Variants in NAT10 observed in about 807,000 individuals in gnomAD.
The protein encoded by NAT10 is RNA cytidine acetyltransferase.
In NAT10, 109 loss-of-function variants were observed where a neutral mutation model predicts 132.2. The ratio of observed to expected loss-of-function variants is 0.82; its 90% CI spans 0.71 to 0.97. The LOEUF (loss-of-function observed/expected upper bound fraction) is 0.97, where lower values mean the gene tolerates loss of function less well. NAT10 is among the 50% of genes least tolerant of loss of function. The probability of loss-of-function intolerance (pLI) is 0.00; values close to 1 mark genes in which losing one functional copy is unlikely to be tolerated. For missense variants in NAT10, 1,184 were observed against 1,263.4 expected (o/e 0.94, Z 0.95); for synonymous variants, 479 against 478.0 (o/e 1.00, Z -0.03).
chr11:34,113,832 G>A lies in NAT10; in HGVS notation c.489G>A (p.Val163=). The A allele has an allele frequency of 6.2e-7, 1 of 1,612,948 alleles. No individual in the cohort carries two copies. The highest frequency in any genetic ancestry group is 8.5e-7 in the Non-Finnish European group (1 of 1,179,590). ...ACTCACTCAAGCAATTGTACACAGTGACTATGGTAAGCATCTGTTTTTTAA... is the reference window on the plus strand; with the variant it reads ...ACTCACTCAAGCAATTGTACACAGTAACTATGGTAAGCATCTGTTTTTTAA... The part of the protein sequence containing the change: ...TMNSLKQLYT[V]TMDVHSRYRT... Residue 163 remains valine (V), a synonymous_variant, in exon 5 of 29, where the codon GTG becomes GTA. Transcript: ENST00000257829.
intron 8 of NAT10, 85 bp from the exon 9 acceptor site, chr11:34,122,374 A>G (rs1035690602): frequency 1.3e-6 from 2 of 1,560,940 alleles, no homozygotes; most frequent in African/African-American, 1.4e-5. Flanking sequence ...CCTGGCATCA[A>G]CCTCACTTCT....
At chr11:34,127,378 G>T (rs1484088377) in intron 11 of NAT10, 85 bp from the exon 12 acceptor site, 31 of 1,371,516 alleles carry the variant, frequency 2.3e-5, no homozygotes, top group Non-Finnish European at 2.9e-5. Context: ...AGAGGAAAGA[G>T]AACATCCTTT....
intron 9 of NAT10, among the ~76,000 whole-genome samples, chr11:34,122,942 G>A (rs777964006): frequency 6.6e-6 from 1 of 152,202 alleles, no homozygotes; most frequent in Non-Finnish European, 1.5e-5. Flanking sequence ...ACTGAGAAAA[G>A]TACAAGTTTG....
chr11:34,119,012 G>T (rs1234437974), intron 8 of NAT10, among the ~76,000 whole-genome samples: 2 of 152,198 alleles, frequency 1.3e-5, no homozygotes, highest in Non-Finnish European at 2.9e-5. Flanking sequence ...AAAGGCTTTT[G>T]CCTATAGCTT....
At chr11:34,118,973 C>T (rs776303861) in intron 8 of NAT10, among the ~76,000 whole-genome samples, 3 of 152,182 alleles carry the variant, frequency 2.0e-5, no homozygotes, top group Non-Finnish European at 4.4e-5. Context: ...TACCTGTGTT[C>T]TGAAATTTCA....
chr11:34,146,199 G>A lies in NAT10; in HGVS notation c.*7G>A. On this transcript the variant is annotated 3_prime_UTR_variant, in exon 29 of 29. Coordinates refer to ENST00000257829, the MANE Select transcript of NAT10 (RefSeq NM_024662.3). ...ACTGAAGCGGAAGAAATAGTGAAGA[G>A]AAACTCGGGCATCTGTGTTTGATCA... The A allele has an allele frequency of 6.4e-7, 1 of 1,571,442 alleles. No homozygotes were observed.
In NAT10 at chr11:34,140,204, C is replaced by T. The variant is rs555770256; in HGVS notation, c.2420-196C>T. Among the ~76,000 whole-genome samples, 81 of 152,306 alleles carry T rather than the reference C, an allele frequency of 5.3e-4. No homozygotes were observed. The Middle Eastern group carries it at 0.01, about 19-fold the overall frequency. On this transcript the variant is annotated intron_variant, in intron 23 of 28. Transcript: ENST00000257829. Reference sequence around the variant, plus strand: ...AGCAAGGGTCCTGTGGCAGCCGTCCCCTCCCCACACGTGGCCTGGAGCCGC... The same window carrying T: ...AGCAAGGGTCCTGTGGCAGCCGTCCTCTCCCCACACGTGGCCTGGAGCCGC...
chr11:34,108,188 A>G lies in NAT10; in HGVS notation c.-15-23A>G, dbSNP rs745736650. The G allele has an allele frequency of 3.3e-6, 5 of 1,522,062 alleles. No homozygotes were observed. The South Asian group carries it at 4.5e-5, about 14-fold the overall frequency. The allele number at this position is 1,522,062 out of a possible 1,614,324, so 94.3% of individuals were successfully genotyped here. ...CTTAGACAATCTAGTGCGCATGGCC[A>G]GTTGTATTTCTTTCTCTTTTAGTAA... On this transcript the variant is annotated intron_variant, in intron 1 of 28. Transcript: ENST00000257829.
In NAT10 at chr11:34,108,198, C is replaced by A. The variant is rs202009282; in HGVS notation, c.-15-13C>A. ...CTAGTGCGCATGGCCAGTTGTATTT[C>A]TTTCTCTTTTAGTAATAATTTTTCA... On this transcript the variant is annotated splice_polypyrimidine_tract_variant and intron_variant, in intron 1 of 28. Coordinates refer to ENST00000257829, the MANE Select transcript of NAT10 (RefSeq NM_024662.3). 214 of 1,581,522 alleles carry A rather than the reference C, an allele frequency of 1.4e-4. No individual in the cohort carries two copies. The East Asian group carries it at 4.5e-3, about 34-fold the overall frequency.
intron 12 of NAT10, among the ~76,000 whole-genome samples, chr11:34,127,951 T>C (rs1022067248): frequency 7.2e-5 from 11 of 152,228 alleles, no homozygotes; most frequent in Non-Finnish European, 1.5e-4. Context: ...ACTATAATTA[T>C]CATAAGAAAG....
chr11:34,132,232 C>T lies in NAT10; in HGVS notation c.1617+11C>T, dbSNP rs748029202. 5 of 1,603,434 alleles carry T rather than the reference C, an allele frequency of 3.1e-6. No individual in the cohort carries two copies. The Admixed American group carries it at 6.7e-5, about 21-fold the overall frequency. On this transcript the variant is annotated intron_variant, in intron 15 of 28. Transcript: ENST00000257829. ...GCTTCTCACTACAAGGTAACTGCAGCTAGCCCTTGTGTGAATGGTAGCAGG... is the reference window on the plus strand; with the variant it reads ...GCTTCTCACTACAAGGTAACTGCAGTTAGCCCTTGTGTGAATGGTAGCAGG...
chr11:34,112,261 T>C, intron 4 of NAT10, 38 bp downstream of exon 4: 1 of 1,612,472 alleles, frequency 6.2e-7, no homozygotes, highest in Non-Finnish European at 8.5e-7. Flanking sequence ...GAAGTCAGAG[T>C]CTTGAGGGTT....
chr11:34,122,925 C>T (rs1190323692), intron 9 of NAT10, among the ~76,000 whole-genome samples: 1 of 152,194 alleles, frequency 6.6e-6, no homozygotes, highest in Non-Finnish European at 1.5e-5. Context: ...TATGACCAGC[C>T]TTGCTGACTG....
chr11:34,112,306 G>A, intron 4 of NAT10, 83 bp downstream of exon 4: 1 of 1,510,112 alleles, frequency 6.6e-7, no homozygotes, highest in Non-Finnish European at 9.1e-7. Flanking sequence ...GGGAACAGAT[G>A]TACAGTAAGG....
intron 12 of NAT10, among the ~76,000 whole-genome samples, 198 bp downstream of exon 12, chr11:34,127,797 G>A (rs948979230): frequency 4.6e-5 from 7 of 152,178 alleles, no homozygotes; most frequent in African/African-American, 1.7e-4. Context: ...TCTCTGGCCC[G>A]ACATGAAATG....
At chr11:34,111,189 C>T (rs1851688065) in intron 3 of NAT10, among the ~76,000 whole-genome samples, 1 of 151,998 alleles carries the variant, frequency 6.6e-6, no homozygotes, top group Non-Finnish European at 1.5e-5. Flanking sequence ...CCTCTTATAG[C>T]TCTTCTGCCC....
Position 34,134,376 on chromosome 11 carries a change from A to T in NAT10, c.1792A>T (p.Lys598Ter). The stretch of plus-strand genomic sequence containing the variant: ...CATCTTGAACAGTCTGTCTCGAGGC[A>T]AGAAGGCTTCAGGGGACCTGATTCC... ...QSILNSLSRG[K>*]KASGDLIPWT... The change falls in exon 17 of 29, where the codon AAG (lysine) becomes TAG (stop). Residue 598 changes from lysine (K) to a stop codon, truncating the protein, a stop_gained. Transcript: ENST00000257829. LOFTEE classifies it high-confidence loss of function. The T allele has an allele frequency of 6.2e-7, 1 of 1,614,232 alleles. No individual in the cohort carries two copies. Among genetic ancestry groups the T allele is most frequent in the Non-Finnish European group, 8.5e-7 (1 of 1,180,044 alleles).
At chr11:34,135,383 C>A in intron 19 of NAT10, 92 bp downstream of exon 19, 1 of 941,392 alleles carries the variant, frequency 1.1e-6, no homozygotes, top group Non-Finnish European at 1.7e-6. Flanking sequence ...CAGTCCAGAG[C>A]TTTGGACCCC....
At chr11:34,143,084 G>A (rs1852368898) in intron 27 of NAT10, among the ~76,000 whole-genome samples, 1 of 152,204 alleles carries the variant, frequency 6.6e-6, no homozygotes, top group Non-Finnish European at 1.5e-5. Flanking sequence ...GCTTGGAGGT[G>A]GGAGTGAGTG....
Sources: gnomAD v4.1 joint callset for allele counts (sites outside exome capture counted in the v4.1 genomes callset) on GRCh38, gnomAD v4.1.1 for gene constraint, MANE v1.5 for transcripts, NCBI Gene and HGNC (gene_info 2026-07-23, HGNC 2026-07-21) for gene names.